CNTN4: variants seen among roughly 807,000 people sequenced by gnomAD.
CNTN4 encodes contactin 4.
Under a neutral mutation model 122.5 loss-of-function variants are expected in CNTN4, and 77 were observed. That is an observed-to-expected ratio of 0.63 (90% CI 0.52 to 0.76). The LOEUF (loss-of-function observed/expected upper bound fraction) is 0.76, where lower values mean the gene tolerates loss of function less well. CNTN4 is among the 30% of genes least tolerant of loss of function. The pLI, the probability that CNTN4 is intolerant of heterozygous loss-of-function variation, is 0.00. For synonymous variants in CNTN4, 512 were observed against 447.0 expected, an observed-to-expected ratio of 1.15 and a Z score of -1.83; for missense variants, 1,256 against 1,259.1, an observed-to-expected ratio of 1.00 and a Z score of 0.04.
intron 3 of CNTN4, among the ~76,000 whole-genome samples, chr3:2,378,465 G>A (rs568826653): frequency 2.0e-5 from 3 of 152,318 alleles, no homozygotes; most frequent in East Asian, 1.9e-4. Context: ...ATATAGTCCA[G>A]CTTAGTGCCC....
intron 2 of CNTN4, among the ~76,000 whole-genome samples, chr3:2,307,080 G>A (rs897291654): frequency 2.0e-5 from 3 of 151,892 alleles, no homozygotes; most frequent in Non-Finnish European, 4.4e-5. Context: ...TCCAATCTAG[G>A]CACATTTTAT....
chr3:2,656,267 A>G (rs1305598125), intron 4 of CNTN4, among the ~76,000 whole-genome samples: 2 of 152,256 alleles, frequency 1.3e-5, no homozygotes, highest in East Asian at 1.9e-4. Context: ...CTCAAAGTCC[A>G]AGAAATTCAG....
chr3:2,147,548 CCT>C (rs1406887963), intron 2 of CNTN4, among the ~76,000 whole-genome samples: 2 of 152,010 alleles, frequency 1.3e-5, no homozygotes, highest in African/African-American at 4.8e-5. Context: ...CATATTTCCC[CCT>C]CTTTCCCGTC....
Position 2,414,535 on chromosome 3 carries a change from C to A in CNTN4, c.-89+75302C>A, listed in dbSNP as rs143395721. Among the ~76,000 whole-genome samples the A allele has an allele frequency of 4.6e-3, 695 of 152,144 alleles. 4 individuals carry two copies. Among genetic ancestry groups the A allele is most frequent in the Non-Finnish European group, 6.8e-3 (464 of 67,990 alleles). ...GGGAATTCAAGTGATTAAAACTTCT[C>A]TTTTTTGTAATTATATCACTTGTTA... On this transcript the variant is annotated intron_variant, in intron 3 of 24. Transcript: ENST00000418658.
At chr3:2,543,288 G>A (rs1035167380) in intron 3 of CNTN4, among the ~76,000 whole-genome samples, 1 of 152,032 alleles carries the variant, frequency 6.6e-6, no homozygotes, top group East Asian at 1.9e-4. Context: ...AGACAGAGCT[G>A]TTCACTTAAA....
At position 2,340,710 on chromosome 3, in the gene CNTN4, T is replaced by TATATATATATATATATATAGAGAG; in HGVS notation, c.-89+1478_-89+1479insTATATATATATATATATAGAGAGA. 6.0e-4 allele frequency among the ~76,000 whole-genome samples: 11 copies of TATATATATATATATATATAGAGAG among 18,300 alleles called. 1 individual carries two copies. The highest frequency in any genetic ancestry group is 9.7e-4 in the Non-Finnish European group (6 of 6,156). 12.0% of individuals were successfully genotyped at this position (18,300 alleles called of 152,430 possible). On this transcript the variant is annotated intron_variant, in intron 3 of 24. Transcript: ENST00000418658. ...TTATATATATATATATATATATATATAGAGAGAGAGAGAGAGAGAGAGAGA... is the reference window on the plus strand; with the variant it reads ...TTATATATATATATATATATATATATATATATATATATATATATAGAGAGAGAGAGAGAGAGAGAGAGAGAGAGA...
intron 13 of CNTN4, among the ~76,000 whole-genome samples, chr3:2,986,638 A>G (rs1346021649): frequency 6.6e-6 from 1 of 152,184 alleles, no homozygotes; most frequent in Non-Finnish European, 1.5e-5. Flanking sequence ...CAAAAGTTCT[A>G]TGAAGTGAGG....
chr3:2,339,468 T>C (rs2044097592), intron 3 of CNTN4, among the ~76,000 whole-genome samples: 1 of 152,214 alleles, frequency 6.6e-6, no homozygotes, highest in South Asian at 2.1e-4. Context: ...TAAGGTAGGT[T>C]TTCTGTAGTT....
At chr3:2,106,432 TC>T (rs34097483) in intron 2 of CNTN4, among the ~76,000 whole-genome samples, 23,245 of 152,234 alleles carry the variant, frequency 0.15, 2,345 homozygotes, top group Admixed American at 0.28. Context: ...AGGCAGAGGT[TC>T]CCAAACCTTC....
At chr3:2,700,804 G>A (rs75440840) in intron 4 of CNTN4, among the ~76,000 whole-genome samples, 1,603 of 152,208 alleles carry the variant, frequency 0.011, 21 homozygotes, top group African/African-American at 0.031. Flanking sequence ...AAGAAGTTTC[G>A]TTTAGCAAAC....
intron 7 of CNTN4, among the ~76,000 whole-genome samples, chr3:2,820,014 C>G (rs567830164): frequency 6.6e-6 from 1 of 152,236 alleles, no homozygotes; most frequent in South Asian, 2.1e-4. Context: ...CACTAACAAC[C>G]AAGTCTCCAA....
At chr3:2,224,888 C>T (rs528922948) in intron 2 of CNTN4, among the ~76,000 whole-genome samples, 8 of 152,130 alleles carry the variant, frequency 5.3e-5, no homozygotes, top group South Asian at 2.1e-4. Context: ...CGGTGGCTCA[C>T]GCCTGTAATC....
At chr3:2,967,833 A>G (rs895625220) in intron 13 of CNTN4, among the ~76,000 whole-genome samples, 4 of 151,066 alleles carry the variant, frequency 2.6e-5, no homozygotes, top group Non-Finnish European at 5.9e-5. Flanking sequence ...TACCTACTTC[A>G]GAGGAGTTTT....
chr3:2,737,166 C>T (rs974552292), intron 5 of CNTN4, among the ~76,000 whole-genome samples: 1 of 151,532 alleles, frequency 6.6e-6, no homozygotes, highest in Admixed American at 6.6e-5. Flanking sequence ...CTACAACCTC[C>T]CCCTCCCGGG....
chr3:2,397,194 G>A (rs963396201), intron 3 of CNTN4, among the ~76,000 whole-genome samples: 2 of 152,146 alleles, frequency 1.3e-5, no homozygotes, highest in Non-Finnish European at 2.9e-5. Flanking sequence ...TTGAAGTTGT[G>A]CTAAAGATAC....
At chr3:2,360,753 G>A (rs1043926438) in intron 3 of CNTN4, among the ~76,000 whole-genome samples, 4 of 152,050 alleles carry the variant, frequency 2.6e-5, no homozygotes, top group Admixed American at 6.6e-5. Flanking sequence ...CTCACTATCC[G>A]GAGAACAGCA....
chr3:2,464,956 T>G (rs187377369), intron 3 of CNTN4, among the ~76,000 whole-genome samples: 2,002 of 152,306 alleles, frequency 0.013, 15 homozygotes, highest in Non-Finnish European at 0.019. Context: ...GAAGAAAAAT[T>G]TCTTTCTTGT....
chr3:2,550,953 G>C (rs1416114151), intron 3 of CNTN4, among the ~76,000 whole-genome samples: 2 of 152,044 alleles, frequency 1.3e-5, no homozygotes, highest in African/African-American at 4.8e-5. Context: ...CCTGTCGGGG[G>C]AGTGGGGAAG....
chr3:2,220,197 T>G (rs1483117104), intron 2 of CNTN4, among the ~76,000 whole-genome samples: 1 of 152,276 alleles, frequency 6.6e-6, no homozygotes, highest in Admixed American at 6.5e-5. Context: ...GTTTGTCCAT[T>G]TTCTGGATTT....
Sources: allele counts gnomAD v4.1 joint callset (sites outside exome capture counted in the v4.1 genomes callset), GRCh38; gene constraint gnomAD v4.1.1; transcripts MANE v1.5; gene names NCBI Gene and HGNC (gene_info 2026-07-23, HGNC 2026-07-21).